The following RERE variants were observed in gnomAD, a reference collection of about 807,000 sequenced individuals.
RERE encodes arginine-glutamic acid dipeptide repeats.
A neutral mutation model predicts 146.1 loss-of-function variants in RERE; 40 were observed. The observed-to-expected ratio is 0.27, with a 90% CI of 0.21 to 0.36. RERE has a LOEUF of 0.36. Among genes scored for constraint, RERE ranks in the 10% least tolerant of loss-of-function variants. RERE has a pLI of 1.00. For missense variants in RERE, 1,933 were observed against 2,138.7 expected (o/e 0.90, Z 1.90); for synonymous variants, 1,003 against 866.0 (o/e 1.16, Z -2.78).
At chr1:8,461,901 G>A (rs1004601664) in intron 11 of RERE, among the ~76,000 whole-genome samples, 61 of 152,106 alleles carry the variant, frequency 4.0e-4, no homozygotes, top group Admixed American at 3.7e-3. Context: ...CTGGAGTGCA[G>A]TGCCATGATC....
At chr1:8,516,355 G>A (rs901951138) in intron 7 of RERE, among the ~76,000 whole-genome samples, 5 of 150,522 alleles carry the variant, frequency 3.3e-5, no homozygotes, top group African/African-American at 9.8e-5. Context: ...ATTATTCCAC[G>A]ACAACTCTAT....
At chr1:8,687,811 T>G (rs1639123894) in intron 1 of RERE, among the ~76,000 whole-genome samples, 1 of 152,240 alleles carries the variant, frequency 6.6e-6, no homozygotes, top group South Asian at 2.1e-4. Context: ...AAAGCAGGGT[T>G]TTAATGCCTT....
At chr1:8,355,981 G>A (rs1434616062) in intron 21 of RERE, 119 bp downstream of exon 21, 18 of 1,123,800 alleles carry the variant, frequency 1.6e-5, no homozygotes, top group Non-Finnish European at 2.2e-5. Context: ...CATGCAGGGG[G>A]AGCGAACCCA....
At chr1:8,591,116 G>A (rs927129249) in intron 4 of RERE, among the ~76,000 whole-genome samples, 9 of 152,168 alleles carry the variant, frequency 5.9e-5, no homozygotes, top group Non-Finnish European at 2.9e-5. Flanking sequence ...AGAGAAGGCT[G>A]CAAGAGATTT....
At chr1:8,701,162 G>C (rs1303582569) in intron 1 of RERE, among the ~76,000 whole-genome samples, 1 of 152,084 alleles carries the variant, frequency 6.6e-6, no homozygotes, top group South Asian at 2.1e-4. Context: ...ATCACACACA[G>C]GCAATTCACT....
chr1:8,446,063 G>C (rs1418090669), intron 11 of RERE, among the ~76,000 whole-genome samples: 3 of 152,160 alleles, frequency 2.0e-5, no homozygotes, highest in Non-Finnish European at 1.5e-5. Flanking sequence ...AGGCCTAGTG[G>C]TGACAAAATC....
chr1:8,430,213 A>G (rs2124481347), intron 11 of RERE, among the ~76,000 whole-genome samples: 1 of 152,256 alleles, frequency 6.6e-6, no homozygotes, highest in South Asian at 2.1e-4. Context: ...TTGGTTTTAC[A>G]TATTTAACAT....
chr1:8,625,607 A>T (rs1420220486), intron 2 of RERE, among the ~76,000 whole-genome samples: 1 of 152,186 alleles, frequency 6.6e-6, no homozygotes, highest in Non-Finnish European at 1.5e-5. Flanking sequence ...TGGCCAGCCC[A>T]TAATGCCATT....
chr1:8,721,220 CAGCCTGGGACTT>C (rs1639857870), intron 1 of RERE, among the ~76,000 whole-genome samples: 1 of 152,186 alleles, frequency 6.6e-6, no homozygotes, highest in African/African-American at 2.4e-5. Context: ...CCCTGAACGA[CAGCCTGGGACTT>C]CCCTGCAGGC....
chr1:8,528,863 T>C (rs1044029070), intron 7 of RERE, among the ~76,000 whole-genome samples: 1 of 152,060 alleles, frequency 6.6e-6, no homozygotes, highest in African/African-American at 2.4e-5. Flanking sequence ...AGAGGTTATC[T>C]CATAAAGTGT....
intron 1 of RERE, among the ~76,000 whole-genome samples, chr1:8,790,029 T>C (rs577484061): frequency 2.6e-5 from 4 of 152,348 alleles, no homozygotes; most frequent in South Asian, 4.1e-4. Flanking sequence ...AGGCCAAAGA[T>C]AGTAACTTTT....
At chr1:8,466,341 A>G (rs1019185766) in intron 10 of RERE, among the ~76,000 whole-genome samples, 7 of 152,212 alleles carry the variant, frequency 4.6e-5, no homozygotes, top group African/African-American at 1.7e-4. Flanking sequence ...AGGACATTCC[A>G]TGCAATCATT....
At chr1:8,506,998 G>A (rs1645257888) in intron 8 of RERE, among the ~76,000 whole-genome samples, 1 of 152,224 alleles carries the variant, frequency 6.6e-6, no homozygotes, top group African/African-American at 2.4e-5. Flanking sequence ...GGGTACAAGA[G>A]AGTCTCAGAG....
At chr1:8,456,315 C>T (rs964198987) in intron 11 of RERE, among the ~76,000 whole-genome samples, 2 of 152,170 alleles carry the variant, frequency 1.3e-5, no homozygotes, top group African/African-American at 4.8e-5. Flanking sequence ...ATGACTGCTC[C>T]AAGATAGAGG....
intron 6 of RERE, among the ~76,000 whole-genome samples, chr1:8,555,010 C>G (rs777298561): frequency 3.3e-5 from 5 of 152,214 alleles, no homozygotes; most frequent in South Asian, 4.1e-4. Context: ...AAAAGTCACA[C>G]AAAGCTTGTG....
chr1:8,726,142 C>CTTTTTTTT (rs1348386294), intron 1 of RERE, among the ~76,000 whole-genome samples: 2 of 107,136 alleles, frequency 1.9e-5, no homozygotes, highest in African/African-American at 7.6e-5. Flanking sequence ...TTCCTTTTTT[C>CTTTTTTTT]TTTTCTTTTT....
chr1:8,461,717 T>C (rs559311161), intron 11 of RERE, among the ~76,000 whole-genome samples: 1 of 152,202 alleles, frequency 6.6e-6, no homozygotes, highest in African/African-American at 2.4e-5. Context: ...ATCTCCAGAA[T>C]TCATGATTAT....
At chr1:8,509,924 G>C (rs1321156564) in intron 7 of RERE, among the ~76,000 whole-genome samples, 1 of 152,232 alleles carries the variant, frequency 6.6e-6, no homozygotes, top group African/African-American at 2.4e-5. Context: ...ATTTTGGAAA[G>C]CTATCGTTTC....
At chr1:8,469,109 GATA>G (rs1209313690) in intron 10 of RERE, among the ~76,000 whole-genome samples, 2 of 151,576 alleles carry the variant, frequency 1.3e-5, no homozygotes, top group Non-Finnish European at 2.9e-5. Context: ...GACATGTGAG[GATA>G]ATATTAGAAA....
Sources: gnomAD v4.1 joint callset for allele counts (sites outside exome capture counted in the v4.1 genomes callset) on GRCh38, gnomAD v4.1.1 for gene constraint, MANE v1.5 for transcripts, NCBI Gene and HGNC (gene_info 2026-07-23, HGNC 2026-07-21) for gene names.